DNAH10: variants seen among roughly 807,000 people sequenced by gnomAD.
DNAH10 encodes the protein dynein axonemal heavy chain 10.
A neutral mutation model predicts 506.6 loss-of-function variants in DNAH10; 348 were observed. The ratio of observed to expected loss-of-function variants is 0.69; its 90% CI spans 0.63 to 0.75. The LOEUF (loss-of-function observed/expected upper bound fraction) is 0.75, where lower values mean the gene tolerates loss of function less well. Among genes scored for constraint, DNAH10 ranks in the 30% least tolerant of loss-of-function variants. The pLI, the probability that DNAH10 is intolerant of heterozygous loss-of-function variation, is 0.00. For synonymous variants in DNAH10, 2,059 were observed against 2,198.6 expected (o/e 0.94, Z 1.78); for missense variants, 5,179 against 5,787.1 (o/e 0.89, Z 3.41).
rs978102372 is a variant in DNAH10 at position 123,909,029 on chromosome 12, C to T, written c.9816-232C>T. Reference sequence around the variant, plus strand: ...TGGGTTTGTATTTTAATGCTGCCCCCGCACCATTCCAGGCGCCTGGTCTGG... The same window carrying T: ...TGGGTTTGTATTTTAATGCTGCCCCTGCACCATTCCAGGCGCCTGGTCTGG... On this transcript the variant is annotated intron_variant, in intron 57 of 78. Transcript: ENST00000673944. The surrounding 1 kb of genome is among the most constrained non-coding windows in gnomAD (Gnocchi z 5.4). Among the ~76,000 whole-genome samples, 6 of 152,196 alleles carry T rather than the reference C, an allele frequency of 3.9e-5. No homozygotes were observed. Among genetic ancestry groups the T allele is most frequent in the South Asian group, 2.1e-4 (1 of 4,828 alleles).
At chr12:123,802,668 C>T (rs147683795) in intron 16 of DNAH10, among the ~76,000 whole-genome samples, 67 of 150,768 alleles carry the variant, frequency 4.4e-4, no homozygotes, top group Non-Finnish European at 8.0e-4. Context: ...TGCCATTTTA[C>T]ATTTCCATCA....
At chr12:123,910,500 T>C (rs1396152348) in intron 58 of DNAH10, 36 bp from the exon 59 acceptor site, 1 of 1,602,026 alleles carries the variant, frequency 6.2e-7, no homozygotes. Context: ...AGATGAAGCT[T>C]GCCACTCATA....
intron 2 of DNAH10, 62 bp downstream of exon 2, chr12:123,767,751 A>G: frequency 1.4e-6 from 2 of 1,420,884 alleles, no homozygotes; most frequent in South Asian, 2.4e-5. Flanking sequence ...CAGCGGGAGT[A>G]GGGTGCTGCC....
Position 123,914,859 on chromosome 12 carries a change from T to C in DNAH10, c.10582T>C (p.Ser3528Pro), listed in dbSNP as rs759452773. Residue 3528 changes from serine to proline, a missense_variant, in exon 62 of 79, where the codon TCC becomes CCC. Transcript: ENST00000673944. ...AATGGCTGTTTCTTCCAGATGGGGA[T>C]CCCAGGGCCTTCCCCCCGATGAGCT... The part of the protein sequence containing the change: ...TDDVEISRWG[S>P]QGLPPDELSV... 4 of 1,613,218 alleles carry C rather than the reference T, an allele frequency of 2.5e-6. No homozygotes were observed. Among genetic ancestry groups the C allele is most frequent in the Non-Finnish European group, 3.4e-6 (4 of 1,179,708 alleles).
At chr12:123,856,804 AATAC>A (rs1457570245) in intron 36 of DNAH10, among the ~76,000 whole-genome samples, 2 of 148,008 alleles carry the variant, frequency 1.4e-5, no homozygotes, top group Non-Finnish European at 3.0e-5. Context: ...AAAAATATAT[AATAC>A]ATATATTCAG....
chr12:123,841,487 A>C lies in DNAH10; in HGVS notation c.5302A>C (p.Arg1768=), dbSNP rs1292545749. 1.9e-6 allele frequency: 3 copies of C among 1,614,010 alleles called. No homozygotes were observed. Among genetic ancestry groups the C allele is most frequent in the Admixed American group, 1.7e-5 (1 of 60,026 alleles). ...WMTAVLNEMR[R]TNRLITKEAI... Reference sequence around the variant, plus strand: ...GACGGCAGTTTTGAATGAGATGAGAAGAACTAATAGACTAATTACCAAAGA... The same window carrying C: ...GACGGCAGTTTTGAATGAGATGAGACGAACTAATAGACTAATTACCAAAGA... The change falls in exon 30 of 79, where the codon AGA becomes CGA. Residue 1768 remains arginine (R), a synonymous_variant. Coordinates refer to ENST00000673944, the MANE Select transcript of DNAH10 (RefSeq NM_001372106.1).
intron 49 of DNAH10, 47 bp from the exon 50 acceptor site, chr12:123,879,587 G>A (rs370607894): frequency 1.4e-5 from 22 of 1,609,924 alleles, no homozygotes; most frequent in Admixed American, 8.4e-5. Context: ...GTTTCAGGCC[G>A]TGTACTGTTG....
chr12:123,813,821 T>G lies in DNAH10; in HGVS notation c.3689T>G (p.Ile1230Ser), dbSNP rs769253703. 6.2e-7 allele frequency: 1 copy of G among 1,613,304 alleles called. No individual in the cohort carries two copies. The highest frequency in any genetic ancestry group is 8.5e-7 in the Non-Finnish European group (1 of 1,179,784). ...LEDLKFVLAT[I>S]AEIRSKSLVM... The stretch of plus-strand genomic sequence containing the variant: ...GATCTCAAGTTTGTCCTTGCAACAA[T>G]TGCAGAAATTAGAAGTAAATCTCTA... Residue 1230 changes from isoleucine to serine, a missense_variant, in exon 21 of 79, where the codon ATT becomes AGT. Physicochemically the swap from Ile to Ser is moderately radical, Grantham distance 142. This residue lies in a region of DNAH10 where 4,844 missense variants were observed against 5,430.5 expected (regional missense o/e 0.89). Transcript: ENST00000673944.
intron 43 of DNAH10, among the ~76,000 whole-genome samples, chr12:123,869,207 T>G (rs561859751): frequency 5.9e-5 from 9 of 152,308 alleles, no homozygotes; most frequent in Non-Finnish European, 1.2e-4. Flanking sequence ...CTGTTTGGCC[T>G]CATGGGGATG....
chr12:123,838,953 A>G (rs935133251), intron 29 of DNAH10, among the ~76,000 whole-genome samples: 1 of 152,156 alleles, frequency 6.6e-6, no homozygotes, highest in Admixed American at 6.5e-5. Flanking sequence ...CTGGGACCAC[A>G]GGTGCACACC....
chr12:123,861,290 T>C, intron 39 of DNAH10, 120 bp downstream of exon 39: 1 of 1,296,388 alleles, frequency 7.7e-7, no homozygotes, highest in Non-Finnish European at 1.0e-6. Context: ...AGACTTAGAG[T>C]CCAGTCTTGG....
In DNAH10 at chr12:123,874,256, A is replaced by AGTCC. The variant is rs529772359; in HGVS notation, c.7938+555_7938+558dup. The stretch of plus-strand genomic sequence containing the variant: ...CCAGAAGGACTGTATGCAAAGCCAG[A>AGTCC]GTCCGTCCGTCCATCCATCCATCCA... On this transcript the variant is annotated intron_variant, in intron 46 of 78. Transcript: ENST00000673944. Among the ~76,000 whole-genome samples, 199 of 135,188 alleles carry AGTCC rather than the reference A, an allele frequency of 1.5e-3. 2 individuals carry two copies. Among genetic ancestry groups the AGTCC allele is most frequent in the Middle Eastern group, 7.1e-3 (2 of 280 alleles). 88.7% of individuals were successfully genotyped at this position (135,188 alleles called of 152,430 possible).
intron 35 of DNAH10, among the ~76,000 whole-genome samples, chr12:123,851,350 C>T: frequency 6.9e-6 from 1 of 144,540 alleles, no homozygotes; most frequent in Non-Finnish European, 1.5e-5. Context: ...GACTGGGGAC[C>T]TAGGATGTGT....
chr12:123,873,846 G>C lies in DNAH10; in HGVS notation c.7938+136G>C, dbSNP rs117287292. On this transcript the variant is annotated intron_variant, in intron 46 of 78. Transcript: ENST00000673944. ...GCAATGTCTGCAGGGTACAGGCTGC[G>C]GGGAGCCAGCCTAAGGCAGAATGTA... The C allele has an allele frequency of 3.3e-6, 4 of 1,210,536 alleles. No homozygotes were observed. The African/African-American group carries it at 4.6e-5, about 14-fold the overall frequency. 75.0% of individuals were successfully genotyped at this position (1,210,536 alleles called of 1,614,324 possible).
intron 23 of DNAH10, among the ~76,000 whole-genome samples, chr12:123,819,517 A>G (rs933368573): frequency 6.6e-6 from 1 of 151,980 alleles, no homozygotes; most frequent in Admixed American, 6.6e-5. Context: ...TGGGGGATAC[A>G]GAGGTTTCTG....
intron 21 of DNAH10, among the ~76,000 whole-genome samples, chr12:123,816,740 C>G (rs780691940): frequency 5.9e-5 from 9 of 152,158 alleles, no homozygotes; most frequent in Admixed American, 2.6e-4. Flanking sequence ...CTAATACTTG[C>G]AACTGGCATC....
intron 36 of DNAH10, among the ~76,000 whole-genome samples, chr12:123,856,109 C>T (rs1423777186): frequency 6.9e-6 from 1 of 145,640 alleles, no homozygotes; most frequent in South Asian, 2.1e-4. Context: ...ATATAATATA[C>T]ATAACATTTT....
intron 13 of DNAH10, among the ~76,000 whole-genome samples, chr12:123,798,508 G>A (rs953388073): frequency 5.9e-5 from 9 of 152,062 alleles, no homozygotes; most frequent in South Asian, 2.1e-4. Flanking sequence ...CGAGAATTCC[G>A]CCTTCGTGAT....
chr12:123,797,260 C>A (rs920972129), intron 13 of DNAH10, among the ~76,000 whole-genome samples: 1 of 152,186 alleles, frequency 6.6e-6, no homozygotes, highest in Non-Finnish European at 1.5e-5. Flanking sequence ...CCATGCAGCA[C>A]GCTATGTAGA....
Sources: gnomAD v4.1 joint callset for allele counts (sites outside exome capture counted in the v4.1 genomes callset) on GRCh38, gnomAD v4.1.1 for gene constraint, gnomAD v4.1.1 regional missense constraint, Gnocchi (gnomAD v3.1) non-coding constraint, MANE v1.5 for transcripts, NCBI Gene and HGNC (gene_info 2026-07-23, HGNC 2026-07-21) for gene names.